DPYSL3: variants seen among roughly 807,000 people sequenced by gnomAD.
DPYSL3 encodes dihydropyrimidinase like 3.
DPYSL3 carries 16 observed loss-of-function variants against 66.1 expected under a neutral mutation model. The ratio of observed to expected loss-of-function variants is 0.24; its 90% confidence interval spans 0.16 to 0.37. The LOEUF is 0.37. Ranked by LOEUF, DPYSL3 falls within the 10% of genes least tolerant of loss-of-function variation. The pLI, the probability that DPYSL3 is intolerant of heterozygous loss-of-function variation, is 1.00. For missense variants in DPYSL3, 738 were observed against 916.2 expected, an observed-to-expected ratio of 0.81 and a Z score of 2.51; for synonymous variants, 338 against 345.1, an observed-to-expected ratio of 0.98 and a Z score of 0.23.
At chr5:147,487,370 G>A (rs776020380) in intron 1 of DPYSL3, among the ~76,000 whole-genome samples, 2 of 152,112 alleles carry the variant, frequency 1.3e-5, no homozygotes, top group Non-Finnish European at 2.9e-5. Context: ...TCCTGAAAGG[G>A]GAACAAGTGT....
At chr5:147,443,268 G>T (rs962669088) in intron 1 of DPYSL3, among the ~76,000 whole-genome samples, 1 of 152,144 alleles carries the variant, frequency 6.6e-6, no homozygotes, top group African/African-American at 2.4e-5. Context: ...AAGAATATGT[G>T]GTACATATAC....
chr5:147,495,414 A>T (rs901993995), intron 1 of DPYSL3, among the ~76,000 whole-genome samples: 3 of 152,176 alleles, frequency 2.0e-5, no homozygotes, highest in South Asian at 4.2e-4. Context: ...TAGGCAGGAG[A>T]AGGAAATAAA....
intron 6 of DPYSL3, among the ~76,000 whole-genome samples, 186 bp from the exon 7 acceptor site, chr5:147,408,982 A>G (rs1006636308): frequency 6.6e-6 from 1 of 152,234 alleles, no homozygotes; most frequent in Middle Eastern, 3.2e-3. Flanking sequence ...AAAAACATTC[A>G]AGGGTGATTT....
At chr5:147,478,805 T>C (rs1753197999) in intron 1 of DPYSL3, among the ~76,000 whole-genome samples, 1 of 152,166 alleles carries the variant, frequency 6.6e-6, no homozygotes, top group South Asian at 2.1e-4. Context: ...TGGGGCCCTT[T>C]GTTTCTCTGA....
intron 2 of DPYSL3, among the ~76,000 whole-genome samples, chr5:147,421,603 C>G (rs1046907882): frequency 2.6e-5 from 4 of 152,166 alleles, no homozygotes; most frequent in Non-Finnish European, 4.4e-5. Context: ...TACCTGACTT[C>G]AAACTACACT....
chr5:147,441,848 T>C (rs567557702), intron 1 of DPYSL3, among the ~76,000 whole-genome samples: 1 of 152,236 alleles, frequency 6.6e-6, no homozygotes, highest in African/African-American at 2.4e-5. Flanking sequence ...AGATAGAGCA[T>C]GCAATGAAGT....
At chr5:147,488,649 G>C (rs1043833416) in intron 1 of DPYSL3, among the ~76,000 whole-genome samples, 1 of 152,134 alleles carries the variant, frequency 6.6e-6, no homozygotes, top group Non-Finnish European at 1.5e-5. Context: ...CCAGGAAGTT[G>C]AGGCTGCAAT....
chr5:147,431,083 T>C (rs371733320), intron 1 of DPYSL3, among the ~76,000 whole-genome samples: 2 of 152,192 alleles, frequency 1.3e-5, no homozygotes, highest in East Asian at 1.9e-4. Context: ...TAAATTCCCA[T>C]TTGGGCAATT....
At chr5:147,422,535 T>C (rs1752101948) in intron 2 of DPYSL3, among the ~76,000 whole-genome samples, 1 of 152,090 alleles carries the variant, frequency 6.6e-6, no homozygotes, top group South Asian at 2.1e-4. Context: ...CATTCTACTA[T>C]AAAGACACAT....
chr5:147,482,378 C>T (rs1455853663), intron 1 of DPYSL3, among the ~76,000 whole-genome samples: 2 of 152,160 alleles, frequency 1.3e-5, no homozygotes, highest in African/African-American at 4.8e-5. Context: ...GTTCAAAAAT[C>T]AGAAATTATG....
chr5:147,397,650 C>A lies in DPYSL3; in HGVS notation c.1803+16G>T. 1 of 1,610,234 alleles carries A rather than the reference C, an allele frequency of 6.2e-7. No homozygotes were observed. The highest frequency in any genetic ancestry group is 8.5e-7 in the Non-Finnish European group (1 of 1,177,182). ...ACAAAGCTCCTGCACCACCTCAGAG[C>A]TCCAATGCTTTTTACCTTCCTCCGT... is the stretch of plus-strand genomic sequence containing the variant. On this transcript the variant is annotated intron_variant, in intron 12 of 13. Coordinates refer to ENST00000343218, the MANE Select transcript of DPYSL3 (RefSeq NM_001197294.2).
At position 147,470,206 on chromosome 5, in the gene DPYSL3, T is replaced by G. The variant is rs577499187; in HGVS notation, c.381+39272A>C. Among the ~76,000 whole-genome samples, 7 of 152,230 alleles carry G rather than the reference T, an allele frequency of 4.6e-5. No homozygotes were observed. In the East Asian group the frequency reaches 9.7e-4, roughly 21 times the overall value. On this transcript the variant is annotated intron_variant, in intron 1 of 13. Transcript: ENST00000343218. The stretch of plus-strand genomic sequence containing the variant: ...CTACCCAATTCTGCCTCCATCTCCT[T>G]CCTTTTCTTCCCTTCCTTGGTGTTG...
chr5:147,417,054 G>A (rs1343448454), intron 3 of DPYSL3, among the ~76,000 whole-genome samples: 6 of 152,192 alleles, frequency 3.9e-5, no homozygotes, highest in Non-Finnish European at 7.3e-5. Flanking sequence ...GTGGGATTAG[G>A]AGGTTTATTT....
At chr5:147,421,620 T>C (rs1378402257) in intron 2 of DPYSL3, among the ~76,000 whole-genome samples, 1 of 151,966 alleles carries the variant, frequency 6.6e-6, no homozygotes, top group Non-Finnish European at 1.5e-5. Context: ...CACTATAATT[T>C]CACAGTAACC....
chr5:147,418,151 C>T (rs1014728363), intron 3 of DPYSL3, among the ~76,000 whole-genome samples: 1 of 152,180 alleles, frequency 6.6e-6, no homozygotes, highest in Non-Finnish European at 1.5e-5. Flanking sequence ...TCACCTCTTA[C>T]TAGCCCAGAG....
intron 13 of DPYSL3, among the ~76,000 whole-genome samples, chr5:147,394,917 A>G (rs58668009): frequency 6.6e-6 from 1 of 152,234 alleles, no homozygotes; most frequent in African/African-American, 2.4e-5. Flanking sequence ...TCACATTTAA[A>G]TTATTCATTA....
At chr5:147,466,244 C>A (rs1237727313) in intron 1 of DPYSL3, among the ~76,000 whole-genome samples, 3 of 152,060 alleles carry the variant, frequency 2.0e-5, no homozygotes, top group African/African-American at 7.2e-5. Flanking sequence ...TATTTATGCC[C>A]CTGCCTGGTT....
At chr5:147,478,440 A>T (rs1250884877) in intron 1 of DPYSL3, among the ~76,000 whole-genome samples, 1 of 152,212 alleles carries the variant, frequency 6.6e-6, no homozygotes, top group Non-Finnish European at 1.5e-5. Context: ...GTGTAAGAAG[A>T]TGGTACCTTT....
chr5:147,477,834 G>A (rs546790908), intron 1 of DPYSL3, among the ~76,000 whole-genome samples: 1 of 150,780 alleles, frequency 6.6e-6, no homozygotes, highest in Admixed American at 6.6e-5. Context: ...CACCCGCCTC[G>A]GCCTCCCAAA....
Sources: gnomAD v4.1 joint callset for allele counts (sites outside exome capture counted in the v4.1 genomes callset) on GRCh38, gnomAD v4.1.1 for gene constraint, MANE v1.5 for transcripts, NCBI Gene and HGNC (gene_info 2026-07-23, HGNC 2026-07-21) for gene names.